The following MOXD1 variants were observed in gnomAD, a reference collection of about 807,000 sequenced individuals.
The protein encoded by MOXD1 is monooxygenase DBH like 1, also known as DBH-like monooxygenase protein 1.
A neutral mutation model predicts 66.6 loss-of-function variants in MOXD1; 62 were observed. The observed-to-expected ratio is 0.93, with a 90% CI of 0.76 to 1.15. MOXD1 has a LOEUF of 1.15. MOXD1 is among the 50% of genes most tolerant of loss of function. The probability of loss-of-function intolerance (pLI) is 0.00; values close to 1 mark genes in which losing one functional copy is unlikely to be tolerated. For synonymous variants in MOXD1, 303 were observed against 281.9 expected, an observed-to-expected ratio of 1.07 and a Z score of -0.75; for missense variants, 847 against 754.6, an observed-to-expected ratio of 1.12 and a Z score of -1.44.
chr6:132,311,669 A>T (rs1329102358), intron 10 of MOXD1, among the ~76,000 whole-genome samples: 1 of 152,050 alleles, frequency 6.6e-6, no homozygotes, highest in Non-Finnish European at 1.5e-5. Flanking sequence ...CTTTCTAATA[A>T]GTTAAAACAA....
intron 1 of MOXD1, among the ~76,000 whole-genome samples, chr6:132,384,880 G>C (rs1191824047): frequency 6.6e-6 from 1 of 152,146 alleles, no homozygotes; most frequent in Non-Finnish European, 1.5e-5. Flanking sequence ...ATGTGTATCT[G>C]TATCTGTATC....
intron 1 of MOXD1, among the ~76,000 whole-genome samples, chr6:132,386,733 G>T (rs896067200): frequency 6.6e-6 from 1 of 151,336 alleles, no homozygotes; most frequent in African/African-American, 2.4e-5. Flanking sequence ...TTTAAGAAAT[G>T]ATCACACAGT....
chr6:132,298,253 G>T (rs28548283), intron 10 of MOXD1, among the ~76,000 whole-genome samples: 9 of 152,026 alleles, frequency 5.9e-5, no homozygotes, highest in Non-Finnish European at 8.8e-5. Flanking sequence ...ACTCCCAGGC[G>T]CAAGCAACCC....
At chr6:132,373,844 T>A (rs1776319429) in intron 2 of MOXD1, among the ~76,000 whole-genome samples, 1 of 152,262 alleles carries the variant, frequency 6.6e-6, no homozygotes. Context: ...ATAAGTCAAA[T>A]GACTATAATT....
chr6:132,395,026 G>C (rs34871318), intron 1 of MOXD1, among the ~76,000 whole-genome samples: 30,624 of 152,006 alleles, frequency 0.2, 3,268 homozygotes, highest in Middle Eastern at 0.27. Context: ...TATCAGAGGT[G>C]AAAGACACAG....
chr6:132,400,962 G>A (rs551090821), intron 1 of MOXD1, among the ~76,000 whole-genome samples: 101 of 152,332 alleles, frequency 6.6e-4, no homozygotes, highest in Middle Eastern at 3.4e-3. Flanking sequence ...ATCCGTGCTC[G>A]GCTTCCCTAC....
At chr6:132,338,943 A>G (rs1315314728) in intron 4 of MOXD1, among the ~76,000 whole-genome samples, 1 of 152,192 alleles carries the variant, frequency 6.6e-6, no homozygotes, top group African/African-American at 2.4e-5. Flanking sequence ...TTTAAATGCA[A>G]TTTTAACATT....
At chr6:132,313,199 T>C (rs1007934118) in intron 10 of MOXD1, among the ~76,000 whole-genome samples, 3 of 152,206 alleles carry the variant, frequency 2.0e-5, no homozygotes, top group Non-Finnish European at 4.4e-5. Flanking sequence ...CCTTTTATTA[T>C]GTACTATATA....
At chr6:132,327,961 T>C (rs1775223319) in intron 6 of MOXD1, 52 bp downstream of exon 6, 8 of 1,451,798 alleles carry the variant, frequency 5.5e-6, no homozygotes, top group Non-Finnish European at 7.7e-6. Flanking sequence ...ACTTACAAGG[T>C]ACAAAACTTT....
Position 132,372,526 on chromosome 6 carries a change from C to T in MOXD1, c.663+82G>A, listed in dbSNP as rs777122207. 47 of 1,268,832 alleles carry T rather than the reference C, an allele frequency of 3.7e-5. 1 individual carries two copies. Among genetic ancestry groups the T allele is most frequent in the Non-Finnish European group, 5.3e-5 (47 of 888,958 alleles). 78.6% of individuals were successfully genotyped at this position (1,268,832 alleles called of 1,614,324 possible). A position where few individuals can be genotyped will look rare whatever the true frequency, so the allele number is the denominator to read the frequency against. Reference sequence around the variant, plus strand: ...CAAATAATTGAAAAACATTTCTATACTTTTACTGTTTTCATTATATTAACA... The same window carrying T: ...CAAATAATTGAAAAACATTTCTATATTTTTACTGTTTTCATTATATTAACA... On this transcript the variant is annotated intron_variant, in intron 4 of 11. Coordinates refer to ENST00000367963, the MANE Select transcript of MOXD1 (RefSeq NM_015529.4).
In MOXD1 at chr6:132,372,810, TA is replaced by T. The variant is rs1227259827; in HGVS notation, c.579+19del. 4 of 1,612,630 alleles carry T rather than the reference TA, an allele frequency of 2.5e-6. No individual in the cohort carries two copies. Among genetic ancestry groups the T allele is most frequent in the Non-Finnish European group, 3.4e-6 (4 of 1,178,848 alleles). On this transcript the variant is annotated intron_variant, in intron 3 of 11. Coordinates refer to ENST00000367963, the MANE Select transcript of MOXD1 (RefSeq NM_015529.4). ...TTCAATAAGCCCATCCCTACAATCA[TA>T]AAACCTGAAAACACTTACGTCCTGA...
At chr6:132,329,505 T>C (rs2114586153) in intron 4 of MOXD1, among the ~76,000 whole-genome samples, 1 of 152,152 alleles carries the variant, frequency 6.6e-6, no homozygotes, top group South Asian at 2.1e-4. Flanking sequence ...GCACAAACGC[T>C]CTTAGTCTCC....
At chr6:132,331,542 G>A (rs1409394512) in intron 4 of MOXD1, among the ~76,000 whole-genome samples, 1 of 151,962 alleles carries the variant, frequency 6.6e-6, no homozygotes, top group African/African-American at 2.4e-5. Flanking sequence ...ACACCAAACT[G>A]CAAAGCTACC....
At chr6:132,328,249 TA>T in intron 5 of MOXD1, 134 bp from the exon 6 acceptor site, 1 of 1,199,184 alleles carries the variant, frequency 8.3e-7, no homozygotes, top group Non-Finnish European at 1.2e-6. Flanking sequence ...TGAAATAAAA[TA>T]AAAATGACTT....
chr6:132,344,630 C>T (rs1479584259), intron 4 of MOXD1, among the ~76,000 whole-genome samples: 1 of 152,224 alleles, frequency 6.6e-6, no homozygotes, highest in Non-Finnish European at 1.5e-5. Context: ...CTATTTAACA[C>T]ATATCTACCC....
intron 1 of MOXD1, chr6:132,392,347 T>G (rs765728775): frequency 2.6e-6 from 4 of 1,550,962 alleles, no homozygotes; most frequent in Non-Finnish European, 3.5e-6. Flanking sequence ...ACCAGCGATT[T>G]ATACCCCCAT....
At position 132,296,149 on chromosome 6, in the gene MOXD1, G is replaced by A. The variant is rs1284758489; in HGVS notation, c.*1004C>T. ...ACAAGATTTGGCTGAGCTATATAAA[G>A]AAAACCAAAAGAGTGACAAGATTTT... On this transcript the variant is annotated 3_prime_UTR_variant, in exon 12 of 12. Coordinates refer to ENST00000367963, the MANE Select transcript of MOXD1 (RefSeq NM_015529.4). 3 of 152,066 alleles carry A rather than the reference G, an allele frequency of 2.0e-5. No homozygotes were observed. The highest frequency in any genetic ancestry group is 4.4e-5 in the Non-Finnish European group (3 of 67,978). 9.4% of individuals were successfully genotyped at this position (152,066 alleles called of 1,614,324 possible).
chr6:132,366,486 C>T (rs760681460), intron 4 of MOXD1, among the ~76,000 whole-genome samples: 1 of 149,686 alleles, frequency 6.7e-6, no homozygotes, highest in Non-Finnish European at 1.5e-5. Context: ...AACCAAAATG[C>T]TGTTTCCATC....
rs183924168 is a variant in MOXD1 at position 132,377,491 on chromosome 6, A to T, written c.265-2714T>A. On this transcript the variant is annotated intron_variant, in intron 1 of 11. Coordinates refer to ENST00000367963, the MANE Select transcript of MOXD1 (RefSeq NM_015529.4). The stretch of plus-strand genomic sequence containing the variant: ...CCACAAAATATCCAGCTGGTTTGCC[A>T]ATTTTCCACTCATTCTATTTCCACT... Among the ~76,000 whole-genome samples, 203 of 152,318 alleles carry T rather than the reference A, an allele frequency of 1.3e-3. 1 individual carries two copies. Among genetic ancestry groups the T allele is most frequent in the Admixed American group, 4.1e-3 (62 of 15,304 alleles).
Sources: allele counts gnomAD v4.1 joint callset (sites outside exome capture counted in the v4.1 genomes callset), GRCh38; gene constraint gnomAD v4.1.1; transcripts MANE v1.5; gene names NCBI Gene and HGNC (gene_info 2026-07-23, HGNC 2026-07-21).